The following MTUS2 variants were observed in gnomAD, a reference collection of about 807,000 sequenced individuals.
MTUS2 encodes microtubule-associated tumor suppressor candidate 2.
A neutral mutation model predicts 114.1 loss-of-function variants in MTUS2; 40 were observed. The ratio of observed to expected loss-of-function variants is 0.35; its 90% CI spans 0.27 to 0.46. MTUS2 has a LOEUF of 0.46. Ranked by LOEUF, MTUS2 falls within the 20% of genes least tolerant of loss-of-function variation. MTUS2 has a pLI of 1.00. For synonymous variants in MTUS2, 688 were observed against 672.0 expected (o/e 1.02, Z -0.37); for missense variants, 1,679 against 1,705.4 (o/e 0.98, Z 0.27).
At chr13:28,894,733 T>G (rs1879162841) in intron 2 of MTUS2, among the ~76,000 whole-genome samples, 1 of 152,172 alleles carries the variant, frequency 6.6e-6, no homozygotes, top group South Asian at 2.1e-4. Context: ...GATGAAAAAC[T>G]GGGGTGGGTT....
intron 8 of MTUS2, among the ~76,000 whole-genome samples, chr13:29,379,912 C>A (rs149021123): frequency 1.3e-5 from 2 of 152,280 alleles, no homozygotes; most frequent in East Asian, 3.9e-4. Context: ...TTATGAAGTT[C>A]ATACATGTCA....
rs117951290 is a variant in MTUS2 at position 28,976,396 on chromosome 13, C to A, written c.-242-48061C>A. Among the ~76,000 whole-genome samples the A allele has an allele frequency of 1.3e-3, 204 of 152,138 alleles. 1 individual carries two copies. The East Asian group carries it at 0.035, about 26-fold the overall frequency. On this transcript the variant is annotated intron_variant, in intron 2 of 15. Coordinates refer to ENST00000612955, the MANE Select transcript of MTUS2 (RefSeq NM_001033602.4). ...GCAATGGGTGGAACATTGTAGGAGG[C>A]ATGTATAATGTGCTAATGAGCCTGG...
intron 7 of MTUS2, among the ~76,000 whole-genome samples, chr13:29,338,596 CA>C (rs144001721): frequency 4.9e-5 from 7 of 143,234 alleles, no homozygotes; most frequent in Non-Finnish European, 8.9e-5. Flanking sequence ...TCTCAGAAAA[CA>C]AAAAAAAACA....
intron 5 of MTUS2, among the ~76,000 whole-genome samples, chr13:29,160,255 T>C (rs892342468): frequency 6.6e-6 from 1 of 152,222 alleles, no homozygotes; most frequent in African/African-American, 2.4e-5. Flanking sequence ...GCCTCTGCCA[T>C]CCCTGAGACT....
At chr13:29,343,609 T>A in intron 7 of MTUS2, among the ~76,000 whole-genome samples, 1 of 151,982 alleles carries the variant, frequency 6.6e-6, no homozygotes, top group Non-Finnish European at 1.5e-5. Flanking sequence ...GAACCAGCTG[T>A]TTCATTTATC....
chr13:29,134,755 C>G lies in MTUS2; in HGVS notation c.2644+33785C>G, dbSNP rs114617685. On this transcript the variant is annotated intron_variant, in intron 5 of 15. Coordinates refer to ENST00000612955, the MANE Select transcript of MTUS2 (RefSeq NM_001033602.4). ...TGGGATTACAGGCATCCGCCACACACCTGGCTAATTTTTGTATTTTTAGTA... is the reference window on the plus strand; with the variant it reads ...TGGGATTACAGGCATCCGCCACACAGCTGGCTAATTTTTGTATTTTTAGTA... Among the ~76,000 whole-genome samples the G allele has an allele frequency of 5.5e-3, 833 of 152,258 alleles. 13 individuals carry two copies. Among genetic ancestry groups the G allele is most frequent in the African/African-American group, 0.019 (795 of 41,558 alleles).
At position 28,991,779 on chromosome 13, in the gene MTUS2, C is replaced by T. The variant is rs9550429; in HGVS notation, c.-242-32678C>T. Among the ~76,000 whole-genome samples the T allele has an allele frequency of 2.0e-3, 300 of 152,264 alleles. 6 individuals carry two copies. In the East Asian group the frequency reaches 0.052, roughly 27 times the overall value. ...ACTTCTTATCCTTTTTCCCTCCTTC[C>T]CCTTTGTTTAAAGGTCCTGGGTTGG... On this transcript the variant is annotated intron_variant, in intron 2 of 15. Coordinates refer to ENST00000612955, the MANE Select transcript of MTUS2 (RefSeq NM_001033602.4).
intron 1 of MTUS2, among the ~76,000 whole-genome samples, chr13:28,822,302 G>T (rs1483870126): frequency 6.6e-6 from 1 of 152,098 alleles, no homozygotes; most frequent in Non-Finnish European, 1.5e-5. Flanking sequence ...CCCTGTTTGG[G>T]CTATTACATA....
chr13:28,879,659 A>G (rs1211667660), intron 2 of MTUS2, among the ~76,000 whole-genome samples: 4 of 152,210 alleles, frequency 2.6e-5, no homozygotes, highest in Admixed American at 2.0e-4. Context: ...ATTTTGCTCT[A>G]TCTGCTTTAA....
intron 8 of MTUS2, among the ~76,000 whole-genome samples, chr13:29,416,924 C>T (rs1875711971): frequency 6.6e-6 from 1 of 152,106 alleles, no homozygotes; most frequent in South Asian, 2.1e-4. Context: ...TCCCAAGTAC[C>T]CAGTGGGCCC....
chr13:29,339,276 C>T (rs111973061), intron 7 of MTUS2, among the ~76,000 whole-genome samples: 45 of 152,282 alleles, frequency 3.0e-4, no homozygotes, highest in Middle Eastern at 6.8e-3. Flanking sequence ...GAAGACACTG[C>T]TGCTGGAGAG....
chr13:28,921,449 G>A (rs1466332718), intron 2 of MTUS2, among the ~76,000 whole-genome samples: 2 of 152,206 alleles, frequency 1.3e-5, no homozygotes, highest in Non-Finnish European at 2.9e-5. Flanking sequence ...TCAAACAGAA[G>A]GAAGGGGTCT....
At chr13:29,161,615 A>G (rs1893100786) in intron 5 of MTUS2, among the ~76,000 whole-genome samples, 1 of 152,326 alleles carries the variant, frequency 6.6e-6, no homozygotes. Context: ...GTAAAACTCT[A>G]TGAAAGCATT....
chr13:29,126,295 G>A (rs1168855725), intron 5 of MTUS2, among the ~76,000 whole-genome samples: 1 of 152,078 alleles, frequency 6.6e-6, no homozygotes, highest in Non-Finnish European at 1.5e-5. Context: ...GTCACATCCT[G>A]TGCCTTGTCA....
chr13:29,057,293 G>A (rs747240528), intron 4 of MTUS2, among the ~76,000 whole-genome samples: 1 of 152,018 alleles, frequency 6.6e-6, no homozygotes, highest in Non-Finnish European at 1.5e-5. Flanking sequence ...AGAGAGTTTG[G>A]TAGATATATG....
chr13:28,963,006 CCTTT>C (rs1205957876), intron 2 of MTUS2, among the ~76,000 whole-genome samples: 2 of 152,138 alleles, frequency 1.3e-5, no homozygotes, highest in Non-Finnish European at 2.9e-5. Flanking sequence ...ATTGAGCCTT[CCTTT>C]CTTTTTTGTA....
intron 5 of MTUS2, among the ~76,000 whole-genome samples, chr13:29,215,275 A>G (rs779494486): frequency 4.0e-5 from 6 of 151,852 alleles, no homozygotes; most frequent in Non-Finnish European, 7.4e-5. Flanking sequence ...GCTTTTATCA[A>G]GGTTCTTAGC....
At chr13:28,883,417 T>C (rs967245999) in intron 2 of MTUS2, among the ~76,000 whole-genome samples, 1 of 151,974 alleles carries the variant, frequency 6.6e-6, no homozygotes, top group African/African-American at 2.4e-5. Flanking sequence ...CTTTAATGAG[T>C]GGATAAACAA....
intron 2 of MTUS2, among the ~76,000 whole-genome samples, chr13:28,862,519 G>C (rs987944442): frequency 1.7e-4 from 26 of 152,244 alleles, no homozygotes; most frequent in Middle Eastern, 6.8e-3. Flanking sequence ...AGACTGAGGC[G>C]GGAGAATCAC....
Sources: gnomAD v4.1 joint callset for allele counts (sites outside exome capture counted in the v4.1 genomes callset) on GRCh38, gnomAD v4.1.1 for gene constraint, MANE v1.5 for transcripts, NCBI Gene and HGNC (gene_info 2026-07-23, HGNC 2026-07-21) for gene names.